ARFGEF2: variants seen among roughly 807,000 people sequenced by gnomAD.
The protein encoded by ARFGEF2 is ARF guanine nucleotide exchange factor 2, also known as brefeldin A-inhibited guanine nucleotide-exchange protein 2.
Under a neutral mutation model 219.9 loss-of-function variants are expected in ARFGEF2, and 74 were observed. That is an observed-to-expected ratio of 0.34 (90% CI 0.28 to 0.41). ARFGEF2 has a LOEUF of 0.41. Among genes scored for constraint, ARFGEF2 ranks in the 10% least tolerant of loss-of-function variants. ARFGEF2 has a pLI of 1.00. For synonymous variants in ARFGEF2, 733 were observed against 799.2 expected, an observed-to-expected ratio of 0.92 and a Z score of 1.40; for missense variants, 1,743 against 2,218.3, an observed-to-expected ratio of 0.79 and a Z score of 4.30.
At chr20:48,951,276 G>C in intron 3 of ARFGEF2, 47 bp from the exon 4 acceptor site, 1 of 1,610,022 alleles carries the variant, frequency 6.2e-7, no homozygotes, top group Non-Finnish European at 8.5e-7. Context: ...GAAGGCCTCA[G>C]TCCTAGCCAA....
intron 25 of ARFGEF2, among the ~76,000 whole-genome samples, chr20:49,004,762 A>G (rs1281874451): frequency 6.6e-6 from 1 of 152,200 alleles, no homozygotes; most frequent in African/African-American, 2.4e-5. Context: ...ACTGCACTCC[A>G]GTCTGGGCGA....
intron 1 of ARFGEF2, among the ~76,000 whole-genome samples, chr20:48,935,809 C>T (rs1185594004): frequency 7.0e-6 from 1 of 142,482 alleles, no homozygotes; most frequent in Non-Finnish European, 1.5e-5. Flanking sequence ...GGGCGGCTGG[C>T]CGGGCGGGGG....
At chr20:48,978,764 GCTCTCAGTTTGT>G (rs1159790812) in intron 14 of ARFGEF2, among the ~76,000 whole-genome samples, 9 of 152,048 alleles carry the variant, frequency 5.9e-5, no homozygotes, top group Non-Finnish European at 1.0e-4. Context: ...TCATGATTTG[GCTCTCAGTTTGT>G]CTCTTATTGG....
chr20:48,973,008 C>T (rs2091237897), intron 11 of ARFGEF2, 137 bp from the exon 12 acceptor site: 2 of 926,048 alleles, frequency 2.2e-6, no homozygotes, highest in African/African-American at 1.6e-5. Context: ...GTACTTCCAA[C>T]ATGTGTTTCC....
At position 49,011,662 on chromosome 20, in the gene ARFGEF2, A is replaced by G. The variant is rs2273530; in HGVS notation, c.3758-262A>G. ...TTTGCACATAGTTGGCGTTCAATAAATGAATGAATTGATATTTGGGCCTTT... is the reference window on the plus strand; with the variant it reads ...TTTGCACATAGTTGGCGTTCAATAAGTGAATGAATTGATATTTGGGCCTTT... On this transcript the variant is annotated intron_variant, in intron 27 of 38. Transcript: ENST00000371917. 0.11 allele frequency among the ~76,000 whole-genome samples: 16,404 copies of G among 152,288 alleles called. 1,259 individuals carry two copies. The highest frequency in any genetic ancestry group is 0.22 in the African/African-American group (9,253 of 41,542).
At chr20:48,993,753 C>T (rs151177084) in intron 21 of ARFGEF2, among the ~76,000 whole-genome samples, 2 of 152,208 alleles carry the variant, frequency 1.3e-5, no homozygotes, top group Non-Finnish European at 2.9e-5. Flanking sequence ...CCAGAGGCAC[C>T]CCTCAGGACC....
At chr20:48,981,768 C>G (rs149222216) in intron 14 of ARFGEF2, among the ~76,000 whole-genome samples, 224 of 152,278 alleles carry the variant, frequency 1.5e-3, no homozygotes, top group African/African-American at 5.3e-3. Context: ...TCCACTTGAT[C>G]AAATCTGCTA....
intron 4 of ARFGEF2, 68 bp downstream of exon 4, chr20:48,951,537 C>G: frequency 1.2e-6 from 2 of 1,601,712 alleles, no homozygotes; most frequent in Non-Finnish European, 1.7e-6. Flanking sequence ...ATCTGGATTT[C>G]TAATTTACTA....
At chr20:48,977,768 A>G (rs2091271153) in intron 14 of ARFGEF2, among the ~76,000 whole-genome samples, 1 of 152,238 alleles carries the variant, frequency 6.6e-6, no homozygotes, top group Admixed American at 6.5e-5. Flanking sequence ...GGCTACATAA[A>G]TGTCTTCTTT....
In ARFGEF2 at chr20:48,973,291, A is replaced by G; in HGVS notation, c.1665+7A>G. 6.2e-7 allele frequency: 1 copy of G among 1,613,998 alleles called. No homozygotes were observed. The highest frequency in any genetic ancestry group is 8.5e-7 in the Non-Finnish European group (1 of 1,179,920). ...GGGAATGACACCTCTGCAGGTAAAA[A>G]CACTGTGGACACTCAATTATATTAA... On this transcript the variant is annotated splice_region_variant and intron_variant, in intron 12 of 38. Transcript: ENST00000371917.
intron 3 of ARFGEF2, among the ~76,000 whole-genome samples, chr20:48,950,809 AAAATATATATATATAT>A (rs1437291638): frequency 0.022 from 913 of 41,102 alleles, 20 homozygotes; most frequent in African/African-American, 0.12. Flanking sequence ...AAAAAAAAAA[AAAATATATATATATAT>A]ATATATATAT....
At chr20:48,941,715 T>A (rs1328718608) in intron 2 of ARFGEF2, 149 bp from the exon 3 acceptor site, 1 of 1,145,040 alleles carries the variant, frequency 8.7e-7, no homozygotes, top group Admixed American at 1.7e-5. Flanking sequence ...GTGGTGTTTT[T>A]GCTAATGCAT....
At chr20:48,953,920 C>T (rs997198981) in intron 6 of ARFGEF2, 130 bp downstream of exon 6, 4 of 979,446 alleles carry the variant, frequency 4.1e-6, no homozygotes, top group Non-Finnish European at 6.3e-6. Context: ...CTGGGCCTTT[C>T]CCTTTGCTTT....
chr20:49,011,346 T>G (rs1411979322), intron 27 of ARFGEF2, among the ~76,000 whole-genome samples: 1 of 152,208 alleles, frequency 6.6e-6, no homozygotes, highest in East Asian at 1.9e-4. Context: ...ATTCAGTGTT[T>G]ATGGCAACTT....
At chr20:48,942,098 T>C (rs2123318992) in intron 3 of ARFGEF2, 111 bp downstream of exon 3, 3 of 1,383,694 alleles carry the variant, frequency 2.2e-6, no homozygotes, top group South Asian at 1.2e-5. Context: ...TCAGAGGCGA[T>C]GCAGAAAGGA....
chr20:48,956,619 G>A (rs578210706), intron 6 of ARFGEF2, among the ~76,000 whole-genome samples: 1 of 152,104 alleles, frequency 6.6e-6, no homozygotes, highest in Non-Finnish European at 1.5e-5. Context: ...TCTTGCCCAG[G>A]CTGTAGTGCA....
chr20:48,965,009 A>C (rs532694017), intron 7 of ARFGEF2, among the ~76,000 whole-genome samples: 2 of 152,320 alleles, frequency 1.3e-5, no homozygotes, highest in East Asian at 3.8e-4. Flanking sequence ...TTTGAAAGCC[A>C]CTTTTCTAAG....
Position 49,028,574 on chromosome 20 carries a change from A to G in ARFGEF2, c.4969A>G (p.Ser1657Gly). Reference protein sequence around the residue: ...SKPNLLKQETSSLACCLRILF... With the variant: ...SKPNLLKQETGSLACCLRILF... ...ACCCAATCTTCTAAAACAAGAAACC[A>G]GCAGCCTGGCCTGTTGTTTGAGGAT... The change falls in exon 37 of 39, where the codon AGC becomes GGC. Residue 1657 changes from serine to glycine, a missense_variant. Ser to Gly is a moderately conservative substitution (Grantham distance 56). Coordinates refer to ENST00000371917, the MANE Select transcript of ARFGEF2 (RefSeq NM_006420.3). 1 of 1,614,236 alleles carries G rather than the reference A, an allele frequency of 6.2e-7. No homozygotes were observed. The highest frequency in any genetic ancestry group is 8.5e-7 in the Non-Finnish European group (1 of 1,180,030).
intron 9 of ARFGEF2, 89 bp from the exon 10 acceptor site, chr20:48,971,031 A>T: frequency 9.4e-7 from 1 of 1,063,526 alleles, no homozygotes; most frequent in Non-Finnish European, 1.5e-6. Flanking sequence ...AATTCTACTC[A>T]TTGGTAAAGG....
Sources: gnomAD v4.1 joint callset for allele counts (sites outside exome capture counted in the v4.1 genomes callset) on GRCh38, gnomAD v4.1.1 for gene constraint, MANE v1.5 for transcripts, NCBI Gene and HGNC (gene_info 2026-07-23, HGNC 2026-07-21) for gene names.